EVI5L: variants seen among roughly 807,000 people sequenced by gnomAD.
The protein encoded by EVI5L is EVI5-like protein.
A neutral mutation model predicts 106.1 loss-of-function variants in EVI5L; 30 were observed. The ratio of observed to expected loss-of-function variants is 0.28; its 90% CI spans 0.21 to 0.38. EVI5L has a LOEUF of 0.38. EVI5L is among the 10% of genes least tolerant of loss of function. The pLI is 1.00. For synonymous variants in EVI5L, 489 were observed against 483.3 expected, an observed-to-expected ratio of 1.01 and a Z score of -0.15; for missense variants, 809 against 1,098.0, an observed-to-expected ratio of 0.74 and a Z score of 3.72.
chr19:7,847,840 G>A lies in EVI5L; in HGVS notation c.246G>A (p.Leu82=). 2 of 1,609,956 alleles carry A rather than the reference G, an allele frequency of 1.2e-6. No individual in the cohort carries two copies. Among genetic ancestry groups the A allele is most frequent in the Non-Finnish European group, 1.7e-6 (2 of 1,178,258 alleles). Residue 82 remains leucine (L), a synonymous_variant, in exon 3 of 20, where the codon CTG becomes CTA. Transcript: ENST00000538904. ...CGGCCTCCTCCAACCTGAGCCACCT[G>A]GAGGAGGACACGTGGATCCTGTGGG... ...SSSASSNLSH[L]EEDTWILWGR...
chr19:7,860,837 A>C, intron 14 of EVI5L, 148 bp downstream of exon 14: 1 of 964,316 alleles, frequency 1.0e-6, no homozygotes. Context: ...GCACAACCCC[A>C]CGCGGGGCAT....
intron 1 of EVI5L, among the ~76,000 whole-genome samples, chr19:7,834,947 G>A (rs1341958507): frequency 6.6e-6 from 1 of 152,036 alleles, no homozygotes; most frequent in Non-Finnish European, 1.5e-5. Context: ...GCAACATAGT[G>A]AGACTCTCTC....
chr19:7,852,226 G>A (rs1979286701), intron 8 of EVI5L, among the ~76,000 whole-genome samples: 1 of 152,226 alleles, frequency 6.6e-6, no homozygotes, highest in Admixed American at 6.5e-5. Flanking sequence ...CTGCTGGCCA[G>A]CCTGCCTCCC....
chr19:7,862,362 C>G (rs200310423), intron 16 of EVI5L, 26 bp from the exon 17 acceptor site: 2 of 1,585,646 alleles, frequency 1.3e-6, no homozygotes, highest in Non-Finnish European at 1.7e-6. Context: ...CCGCCGTCCT[C>G]CGTCCTCCCT....
In EVI5L at chr19:7,862,389, A is replaced by T; in HGVS notation, c.1802A>T (p.Asp601Val). Reference sequence around the variant, plus strand: ...GTCCTCCCTTCCTCCCTATCCCAGGACCACATCCACCGCAACCTTCTGAAC... The same window carrying T: ...GTCCTCCCTTCCTCCCTATCCCAGGTCCACATCCACCGCAACCTTCTGAAC... ...RQRVVELETQDHIHRNLLNRV... is the reference protein window; with the variant it reads ...RQRVVELETQVHIHRNLLNRV... Residue 601 changes from aspartate (D) to valine (V), a missense_variant and splice_region_variant, in exon 17 of 20, where the codon GAC becomes GTC. Asp to Val is a radical substitution (Grantham distance 152). Transcript: ENST00000538904. 6.2e-7 allele frequency: 1 copy of T among 1,603,098 alleles called. No homozygotes were observed. Among genetic ancestry groups the T allele is most frequent in the Non-Finnish European group, 8.5e-7 (1 of 1,174,976 alleles).
intron 1 of EVI5L, among the ~76,000 whole-genome samples, chr19:7,839,411 A>G (rs1651016): frequency 0.73 from 110,441 of 151,748 alleles, 40,696 homozygotes; most frequent in South Asian, 0.84. Flanking sequence ...TGCCTGGAGG[A>G]CTGAGTGTGC....
chr19:7,832,482 A>T (rs1978297790), intron 1 of EVI5L, among the ~76,000 whole-genome samples: 1 of 152,160 alleles, frequency 6.6e-6, no homozygotes, highest in South Asian at 2.1e-4. Context: ...TCCCCATCGG[A>T]AACTGGGGTG....
Position 7,857,074 on chromosome 19 carries a change from A to T in EVI5L, c.1201-18A>T, listed in dbSNP as rs760629249. 4.6e-5 allele frequency: 72 copies of T among 1,551,586 alleles called. No individual in the cohort carries two copies. The highest frequency in any genetic ancestry group is 5.7e-5 in the Non-Finnish European group (65 of 1,146,996). On this transcript the variant is annotated intron_variant, in intron 11 of 19. Transcript: ENST00000538904. This position sits in a 1 kb window ranked among gnomAD's most constrained non-coding sequence, Gnocchi z 4.5. ...CTGCCTCCTCCCCCTGTCGCTGGGA[A>T]CCCCCTTCGCCGGGTAGGAGAGCGC...
Position 7,840,937 on chromosome 19 carries a change from C to T in EVI5L, c.-47-5559C>T, listed in dbSNP as rs183568793. ...AATGCTGCTGTGAACAGATGTTTGC[C>T]GTTCTCTTGCGTTGAGCCCTACGAG... On this transcript the variant is annotated intron_variant, in intron 1 of 19. Transcript: ENST00000538904. 3.3e-4 allele frequency among the ~76,000 whole-genome samples: 50 copies of T among 152,284 alleles called. 1 individual carries two copies. In the East Asian group the frequency reaches 8.7e-3, roughly 26 times the overall value.
At chr19:7,831,441 T>C (rs1357540747) in intron 1 of EVI5L, among the ~76,000 whole-genome samples, 1 of 151,406 alleles carries the variant, frequency 6.6e-6, no homozygotes, top group African/African-American at 2.4e-5. Flanking sequence ...CAAGCAGAGA[T>C]TCCAGAGACC....
intron 13 of EVI5L, among the ~76,000 whole-genome samples, 181 bp from the exon 14 acceptor site, chr19:7,860,380 C>G (rs1013135392): frequency 6.6e-6 from 1 of 152,194 alleles, no homozygotes; most frequent in Non-Finnish European, 1.5e-5. Flanking sequence ...ACCGGGCCAG[C>G]TGCATGGATG....
At chr19:7,852,443 C>T (rs1046544277) in intron 8 of EVI5L, among the ~76,000 whole-genome samples, 2 of 152,206 alleles carry the variant, frequency 1.3e-5, no homozygotes, top group African/African-American at 4.8e-5. Context: ...CCGAGGCCCC[C>T]GGCATACCCA....
intron 8 of EVI5L, chr19:7,852,769 A>G (rs1338428161): frequency 9.4e-6 from 3 of 318,632 alleles, no homozygotes; most frequent in Non-Finnish European, 1.8e-5. Flanking sequence ...ACTGGTCTCA[A>G]ACTCCTGGGC....
chr19:7,849,269 T>C lies in EVI5L; in HGVS notation c.566T>C (p.Val189Ala), dbSNP rs1231427987. ...LFNVMKAYSL[V>A]DREVGYCQGS... ...GTTCCCTTCTAGGCATACTCGCTGG[T>C]AGACCGGGAGGTGGGCTACTGCCAG... is the stretch of plus-strand genomic sequence containing the variant. Residue 189 changes from valine (V) to alanine (A), a missense_variant, in exon 5 of 20, where the codon GTA becomes GCA. Physicochemically the swap from Val to Ala is moderately conservative, Grantham distance 64. Transcript: ENST00000538904. The C allele has an allele frequency of 6.2e-7, 1 of 1,614,192 alleles. No homozygotes were observed. The highest frequency in any genetic ancestry group is 8.5e-7 in the Non-Finnish European group (1 of 1,180,034).
chr19:7,839,651 C>T (rs1023957941), intron 1 of EVI5L, among the ~76,000 whole-genome samples: 14 of 151,828 alleles, frequency 9.2e-5, no homozygotes, highest in African/African-American at 2.7e-4. Context: ...TGGTGGGGCA[C>T]GGTGGCTCAC....
intron 17 of EVI5L, among the ~76,000 whole-genome samples, 199 bp from the exon 18 acceptor site, chr19:7,862,767 TCCGCCC>T (rs1467415973): frequency 3.9e-5 from 2 of 51,354 alleles, no homozygotes; most frequent in Non-Finnish European, 7.3e-5. Context: ...CGCCTCCTGA[TCCGCCC>T]CCGCCCGCGG....
chr19:7,860,546 C>G lies in EVI5L; in HGVS notation c.1375-15C>G. 1.3e-6 allele frequency: 2 copies of G among 1,570,974 alleles called. No homozygotes were observed. The highest frequency in any genetic ancestry group is 1.7e-6 in the Non-Finnish European group (2 of 1,160,490). On this transcript the variant is annotated splice_polypyrimidine_tract_variant and intron_variant, in intron 13 of 19. Transcript: ENST00000538904. ...CCATGGCCTGGGGCCCCACGCAGCTCTCTGCCTCCCCCAGGAGAACCCCCG... is the reference window on the plus strand; with the variant it reads ...CCATGGCCTGGGGCCCCACGCAGCTGTCTGCCTCCCCCAGGAGAACCCCCG...
intron 1 of EVI5L, among the ~76,000 whole-genome samples, chr19:7,831,975 G>A (rs577222631): frequency 6.6e-6 from 1 of 152,402 alleles, no homozygotes; most frequent in Non-Finnish European, 1.5e-5. Flanking sequence ...ATTTTCAGAA[G>A]GGAAAAATGT....
At chr19:7,830,801 C>T (rs1245572507) in intron 1 of EVI5L, among the ~76,000 whole-genome samples, 3 of 143,912 alleles carry the variant, frequency 2.1e-5, no homozygotes, top group Non-Finnish European at 4.6e-5. Context: ...CTCTCAGGAC[C>T]CCTCCCTTCT....
Sources: gnomAD v4.1 joint callset for allele counts (sites outside exome capture counted in the v4.1 genomes callset) on GRCh38, gnomAD v4.1.1 for gene constraint, Gnocchi (gnomAD v3.1) non-coding constraint, MANE v1.5 for transcripts, NCBI Gene and HGNC (gene_info 2026-07-23, HGNC 2026-07-21) for gene names.